The following ROR1 variants were observed in gnomAD, a reference collection of about 807,000 sequenced individuals.
ROR1 encodes the protein inactive tyrosine-protein kinase transmembrane receptor ROR1.
Under a neutral mutation model 78.8 loss-of-function variants are expected in ROR1, and 19 were observed. That is an observed-to-expected ratio of 0.24 (90% CI 0.17 to 0.35). ROR1 has a LOEUF of 0.35. Among genes scored for constraint, ROR1 ranks in the 10% least tolerant of loss-of-function variants. The pLI is 1.00. For missense variants in ROR1, 917 were observed against 1,177.8 expected (o/e 0.78, Z 3.24); for synonymous variants, 386 against 433.6 (o/e 0.89, Z 1.36).
intron 1 of ROR1, among the ~76,000 whole-genome samples, chr1:63,809,050 G>A (rs1454820275): frequency 6.6e-6 from 1 of 152,194 alleles, no homozygotes; most frequent in African/African-American, 2.4e-5. Flanking sequence ...TGGGATGGAT[G>A]TTGATGCTGA....
At position 64,164,252 on chromosome 1, in the gene ROR1, A is replaced by C. The variant is rs188324542; in HGVS notation, c.1386+5060A>C. ...TTCAAGTTATAAAATTCTTGCCACCAAAATCCTGCCACCCAAAAGTCCATA... is the reference window on the plus strand; with the variant it reads ...TTCAAGTTATAAAATTCTTGCCACCCAAATCCTGCCACCCAAAAGTCCATA... On this transcript the variant is annotated intron_variant, in intron 8 of 8. Transcript: ENST00000371079. 3.8e-3 allele frequency among the ~76,000 whole-genome samples: 583 copies of C among 152,304 alleles called. 2 individuals carry two copies. The highest frequency in any genetic ancestry group is 7.3e-3 in the Non-Finnish European group (498 of 68,024).
intron 6 of ROR1, among the ~76,000 whole-genome samples, chr1:64,140,738 C>T (rs2100710767): frequency 6.6e-6 from 1 of 152,218 alleles, no homozygotes; most frequent in Non-Finnish European, 1.5e-5. Flanking sequence ...CAAACAAAAA[C>T]TCATATGAGA....
chr1:64,041,387 T>TC (rs1412173074), intron 2 of ROR1, among the ~76,000 whole-genome samples: 1 of 152,180 alleles, frequency 6.6e-6, no homozygotes, highest in Admixed American at 6.5e-5. Context: ...AAAAGTAGTT[T>TC]CCCTGAGCTT....
intron 1 of ROR1, among the ~76,000 whole-genome samples, chr1:63,847,931 G>T (rs940347129): frequency 6.6e-6 from 1 of 152,148 alleles, no homozygotes; most frequent in African/African-American, 2.4e-5. Flanking sequence ...ATGTGAGGTG[G>T]CTAAGTGACA....
At chr1:63,969,787 AC>A (rs1457470853) in intron 1 of ROR1, among the ~76,000 whole-genome samples, 7 of 151,466 alleles carry the variant, frequency 4.6e-5, no homozygotes, top group Non-Finnish European at 1.0e-4. Context: ...TTTCCCTGCC[AC>A]CTGTCTTTCT....
At chr1:64,159,316 A>G in intron 8 of ROR1, 124 bp downstream of exon 8, 1 of 747,906 alleles carries the variant, frequency 1.3e-6, no homozygotes, top group Non-Finnish European at 2.2e-6. Flanking sequence ...GCTAAGGTTC[A>G]TTTTAACCAA....
chr1:64,174,339 G>C (rs888684903), intron 8 of ROR1, among the ~76,000 whole-genome samples: 2 of 152,162 alleles, frequency 1.3e-5, no homozygotes, highest in African/African-American at 4.8e-5. Context: ...TATTTGCTAA[G>C]TGCTTAGAAC....
At chr1:63,935,401 A>T (rs930453652) in intron 1 of ROR1, among the ~76,000 whole-genome samples, 3 of 152,216 alleles carry the variant, frequency 2.0e-5, no homozygotes, top group African/African-American at 7.2e-5. Context: ...GCTAATGGGA[A>T]GTCAGAGACA....
At chr1:63,849,420 A>T (rs778621604) in intron 1 of ROR1, among the ~76,000 whole-genome samples, 4 of 152,222 alleles carry the variant, frequency 2.6e-5, no homozygotes, top group African/African-American at 9.6e-5. Context: ...AAATAGGGTC[A>T]GGAGCAGTGG....
Position 64,177,617 on chromosome 1 carries a change from C to A in ROR1, c.1576C>A (p.Leu526Ile). The change falls in exon 9 of 9, where the codon CTA becomes ATA. Residue 526 changes from leucine to isoleucine, a missense_variant. Around this residue, in one of 3 missense-constraint regions of ROR1, gnomAD observed 835 missense variants for 1,069.8 expected, o/e 0.78. Coordinates refer to ENST00000371079, the MANE Select transcript of ROR1 (RefSeq NM_005012.4). ...QWTEFQQEAS[L>I]MAELHHPNIV... is the part of the protein sequence containing the mutation. ...GACGGAATTTCAACAAGAAGCCTCC[C>A]TAATGGCAGAACTGCACCACCCCAA... The A allele has an allele frequency of 6.2e-7, 1 of 1,614,186 alleles. No individual in the cohort carries two copies.
At chr1:63,949,386 A>G (rs1645915677) in intron 1 of ROR1, among the ~76,000 whole-genome samples, 1 of 152,108 alleles carries the variant, frequency 6.6e-6, no homozygotes, top group Admixed American at 6.5e-5. Context: ...AGCTTCCATT[A>G]AGGTGGAAGA....
At chr1:63,898,989 C>T (rs1343607181) in intron 1 of ROR1, among the ~76,000 whole-genome samples, 1 of 152,076 alleles carries the variant, frequency 6.6e-6, no homozygotes, top group African/African-American at 2.4e-5. Context: ...TCCATGGAAA[C>T]AGTACATAAA....
chr1:63,801,781 A>G (rs1013569582), intron 1 of ROR1, among the ~76,000 whole-genome samples: 2 of 152,210 alleles, frequency 1.3e-5, no homozygotes, highest in African/African-American at 4.8e-5. Flanking sequence ...TAACTATTTT[A>G]TCTCACTTTA....
intron 1 of ROR1, among the ~76,000 whole-genome samples, chr1:64,001,247 A>G (rs1312708194): frequency 6.6e-6 from 1 of 152,230 alleles, no homozygotes; most frequent in African/African-American, 2.4e-5. Flanking sequence ...TTAAAAGGTC[A>G]CATACTAAAT....
intron 1 of ROR1, among the ~76,000 whole-genome samples, chr1:63,865,046 A>C (rs941426515): frequency 1.1e-4 from 16 of 152,298 alleles, no homozygotes; most frequent in Admixed American, 7.8e-4. Context: ...TACAAACATA[A>C]AAACGAAGTG....
At chr1:63,991,225 A>G (rs567510844) in intron 1 of ROR1, among the ~76,000 whole-genome samples, 1 of 152,222 alleles carries the variant, frequency 6.6e-6, no homozygotes, top group Admixed American at 6.5e-5. Context: ...TGCTAGAATT[A>G]TAGACTGAGC....
chr1:64,020,724 C>T (rs895942159), intron 2 of ROR1, among the ~76,000 whole-genome samples: 3 of 151,998 alleles, frequency 2.0e-5, no homozygotes, highest in South Asian at 2.1e-4. Context: ...AGAAGTTGGT[C>T]CACAAACAGA....
chr1:63,853,475 A>G lies in ROR1; in HGVS notation c.91+78967A>G, dbSNP rs144773136. Among the ~76,000 whole-genome samples the G allele has an allele frequency of 5.5e-3, 844 of 152,296 alleles. 9 individuals carry two copies. The highest frequency in any genetic ancestry group is 0.019 in the African/African-American group (803 of 41,580). On this transcript the variant is annotated intron_variant, in intron 1 of 8. Coordinates refer to ENST00000371079, the MANE Select transcript of ROR1 (RefSeq NM_005012.4). Reference sequence around the variant, plus strand: ...CAAAGGTGCTCCTTGGAGCATTCAGATTTTGGATTTTTGGATTAGGAATGC... The same window carrying G: ...CAAAGGTGCTCCTTGGAGCATTCAGGTTTTGGATTTTTGGATTAGGAATGC...
At chr1:64,148,747 T>C (rs770486069) in intron 7 of ROR1, among the ~76,000 whole-genome samples, 2 of 152,210 alleles carry the variant, frequency 1.3e-5, no homozygotes, top group Non-Finnish European at 2.9e-5. Context: ...GGGAATTGGC[T>C]TGGCTAGGAT....
Sources: gnomAD v4.1 joint callset for allele counts (sites outside exome capture counted in the v4.1 genomes callset) on GRCh38, gnomAD v4.1.1 for gene constraint, gnomAD v4.1.1 regional missense constraint, MANE v1.5 for transcripts, NCBI Gene and HGNC (gene_info 2026-07-23, HGNC 2026-07-21) for gene names.